MSRA: variants seen among roughly 807,000 people sequenced by gnomAD.
MSRA encodes methionine sulfoxide reductase A.
Under a neutral mutation model 31.3 loss-of-function variants are expected in MSRA, and 54 were observed. The observed-to-expected ratio is 1.73, with a 90% CI of 1.39 to 2.17. The LOEUF is 2.17. Among genes scored for constraint, MSRA ranks in the 30% most tolerant of loss-of-function variants. MSRA has a pLI of 0.00. For synonymous variants in MSRA, 169 were observed against 116.5 expected (o/e 1.45, Z -2.90); for missense variants, 507 against 300.9 (o/e 1.69, Z -5.07).
chr8:10,392,710 G>T (rs1270600768), intron 5 of MSRA, among the ~76,000 whole-genome samples: 1 of 150,510 alleles, frequency 6.6e-6, no homozygotes, highest in Non-Finnish European at 1.5e-5. Context: ...TATGATATTG[G>T]GAAGGTCAAA....
At chr8:10,291,023 T>C (rs1232596404) in intron 3 of MSRA, among the ~76,000 whole-genome samples, 1 of 152,214 alleles carries the variant, frequency 6.6e-6, no homozygotes, top group Non-Finnish European at 1.5e-5. Flanking sequence ...GGCCAGCCTC[T>C]GAAATCAGCA....
At chr8:10,236,243 G>A (rs1019762647) in intron 2 of MSRA, among the ~76,000 whole-genome samples, 1 of 152,138 alleles carries the variant, frequency 6.6e-6, no homozygotes, top group Non-Finnish European at 1.5e-5. Flanking sequence ...AGCATTGTAT[G>A]GAAGGTCCTA....
intron 1 of MSRA, among the ~76,000 whole-genome samples, chr8:10,152,088 G>C (rs1249188714): frequency 1.3e-5 from 2 of 152,204 alleles, no homozygotes; most frequent in Admixed American, 1.3e-4. Context: ...TAACTGCACA[G>C]GCAAATTTAT....
chr8:10,361,459 T>G (rs1476163499), intron 5 of MSRA, among the ~76,000 whole-genome samples: 1 of 152,136 alleles, frequency 6.6e-6, no homozygotes, highest in African/African-American at 2.4e-5. Flanking sequence ...CTGGGCAAAA[T>G]TTTGAAATAG....
intron 1 of MSRA, among the ~76,000 whole-genome samples, chr8:10,133,634 C>G (rs768240740): frequency 6.6e-6 from 1 of 152,150 alleles, no homozygotes; most frequent in East Asian, 1.9e-4. Context: ...GAAAAAAGAC[C>G]TACATCACAG....
chr8:10,302,086 TAAA>T (rs1800879628), intron 4 of MSRA, among the ~76,000 whole-genome samples: 1 of 152,242 alleles, frequency 6.6e-6, no homozygotes, highest in Non-Finnish European at 1.5e-5. Context: ...TATGTGGTGA[TAAA>T]GAAGAACATA....
chr8:10,342,668 AG>A (rs1563372358), intron 5 of MSRA, among the ~76,000 whole-genome samples: 2 of 152,218 alleles, frequency 1.3e-5, no homozygotes, highest in African/African-American at 2.4e-5. Flanking sequence ...CTCCGAGTCC[AG>A]CGCAGTTCCC....
intron 1 of MSRA, among the ~76,000 whole-genome samples, chr8:10,062,953 G>T (rs916753658): frequency 6.6e-6 from 1 of 152,152 alleles, no homozygotes; most frequent in African/African-American, 2.4e-5. Context: ...AGTCAGAAGG[G>T]TAAGAGTCTG....
At chr8:10,428,038 C>A (rs1195368793) in intron 5 of MSRA, 110 bp from the exon 6 acceptor site, 6 of 1,220,076 alleles carry the variant, frequency 4.9e-6, no homozygotes, top group African/African-American at 1.5e-5. Context: ...ACCCACTGCA[C>A]ATCCCAAGCC....
intron 1 of MSRA, among the ~76,000 whole-genome samples, chr8:10,081,902 A>G (rs1798313029): frequency 6.6e-6 from 1 of 151,984 alleles, no homozygotes; most frequent in African/African-American, 2.4e-5. Context: ...CTCTTGTCTC[A>G]TTTTCTATCA....
chr8:10,304,229 G>A (rs572374214), intron 4 of MSRA, among the ~76,000 whole-genome samples: 40 of 152,306 alleles, frequency 2.6e-4, no homozygotes, highest in African/African-American at 8.9e-4. Flanking sequence ...GAGCCACTGC[G>A]CCTAGCCACC....
chr8:10,294,939 A>G (rs1386908943), intron 3 of MSRA, among the ~76,000 whole-genome samples: 2 of 152,076 alleles, frequency 1.3e-5, no homozygotes, highest in Non-Finnish European at 2.9e-5. Context: ...GGTATGAGAA[A>G]AACCTGGATT....
intron 1 of MSRA, among the ~76,000 whole-genome samples, chr8:10,124,010 G>A (rs559797853): frequency 6.6e-6 from 1 of 152,076 alleles, no homozygotes; most frequent in East Asian, 2.0e-4. Context: ...AGTTCTGGGA[G>A]GCTGAGGTTG....
At chr8:10,354,244 G>A (rs1397885013) in intron 5 of MSRA, among the ~76,000 whole-genome samples, 1 of 152,182 alleles carries the variant, frequency 6.6e-6, no homozygotes, top group African/African-American at 2.4e-5. Flanking sequence ...CTCACTGAAG[G>A]TCTTACTAAG....
intron 3 of MSRA, among the ~76,000 whole-genome samples, chr8:10,246,414 C>G (rs1797625825): frequency 3.3e-5 from 5 of 151,996 alleles, no homozygotes; most frequent in Admixed American, 2.0e-4. Context: ...AAATGTTTTT[C>G]TAAAAAAAAT....
At chr8:10,395,243 A>G (rs1460693962) in intron 5 of MSRA, among the ~76,000 whole-genome samples, 1 of 152,122 alleles carries the variant, frequency 6.6e-6, no homozygotes, top group Non-Finnish European at 1.5e-5. Context: ...CAGTGGAAGC[A>G]TGTGTGTGTG....
chr8:10,277,788 G>A (rs1268190692), intron 3 of MSRA, among the ~76,000 whole-genome samples: 1 of 152,052 alleles, frequency 6.6e-6, no homozygotes, highest in Admixed American at 6.6e-5. Flanking sequence ...AATAAGTATG[G>A]GAGGTAATGC....
At chr8:10,373,870 C>T (rs183716811) in intron 5 of MSRA, among the ~76,000 whole-genome samples, 6 of 152,264 alleles carry the variant, frequency 3.9e-5, no homozygotes, top group African/African-American at 9.6e-5. Context: ...GTGAGAAGTG[C>T]GGTGTCTGTA....
intron 5 of MSRA, among the ~76,000 whole-genome samples, chr8:10,390,497 A>G (rs1014820462): frequency 1.3e-5 from 2 of 152,178 alleles, no homozygotes; most frequent in African/African-American, 4.8e-5. Context: ...CCACCACGGG[A>G]AGCCAGGGGC....
Sources: allele counts gnomAD v4.1 joint callset (sites outside exome capture counted in the v4.1 genomes callset), GRCh38; gene constraint gnomAD v4.1.1; transcripts MANE v1.5; gene names NCBI Gene and HGNC (gene_info 2026-07-23, HGNC 2026-07-21).